Variants in MYO3B observed in about 807,000 individuals in gnomAD.
MYO3B encodes myosin IIIB, also known as myosin-IIIb.
MYO3B carries 156 observed loss-of-function variants against 174.6 expected under a neutral mutation model. The observed-to-expected ratio is 0.89, with a 90% CI of 0.78 to 1.02. The LOEUF (loss-of-function observed/expected upper bound fraction) is 1.02. Among genes scored for constraint, MYO3B ranks in the 50% least tolerant of loss-of-function variants. MYO3B has a pLI of 0.00. For synonymous variants in MYO3B, 563 were observed against 569.1 expected, an observed-to-expected ratio of 0.99 and a Z score of 0.15; for missense variants, 1,632 against 1,639.4, an observed-to-expected ratio of 1.00 and a Z score of 0.08.
chr2:170,296,002 A>G (rs1196377542), intron 7 of MYO3B, among the ~76,000 whole-genome samples: 4 of 152,216 alleles, frequency 2.6e-5, no homozygotes, highest in Non-Finnish European at 5.9e-5. Flanking sequence ...ACTGAAAATC[A>G]TATAACTTTC....
chr2:170,300,662 A>G (rs2093659875), intron 7 of MYO3B, among the ~76,000 whole-genome samples: 1 of 152,230 alleles, frequency 6.6e-6, no homozygotes, highest in Admixed American at 6.5e-5. Context: ...CAAGCATTAT[A>G]GGAAACAACA....
chr2:170,470,479 T>C (rs866055235), intron 25 of MYO3B, among the ~76,000 whole-genome samples: 7 of 152,230 alleles, frequency 4.6e-5, no homozygotes, highest in Non-Finnish European at 1.0e-4. Context: ...CATGAATATA[T>C]CATGTTTTGC....
chr2:170,511,056 CT>C (rs1687947109), intron 28 of MYO3B, among the ~76,000 whole-genome samples: 1 of 148,502 alleles, frequency 6.7e-6, no homozygotes, highest in Non-Finnish European at 1.5e-5. Context: ...GAGCATTTTC[CT>C]TTTGTTTTTT....
intron 27 of MYO3B, 72 bp downstream of exon 27, chr2:170,499,880 T>G: frequency 1.4e-6 from 2 of 1,453,704 alleles, no homozygotes; most frequent in Non-Finnish European, 1.9e-6. Flanking sequence ...AATACTCAAC[T>G]GTTTCTCTTC....
intron 32 of MYO3B, among the ~76,000 whole-genome samples, chr2:170,610,460 A>G (rs2106360672): frequency 6.6e-6 from 1 of 152,368 alleles, no homozygotes; most frequent in East Asian, 1.9e-4. Flanking sequence ...AAGCTCTGTT[A>G]ACAAAATTGA....
At chr2:170,366,475 G>C (rs2094199283) in intron 8 of MYO3B, among the ~76,000 whole-genome samples, 1 of 151,530 alleles carries the variant, frequency 6.6e-6, no homozygotes, top group South Asian at 2.1e-4. Flanking sequence ...ATTATTTTTA[G>C]TAGAGATGAG....
At chr2:170,384,952 G>T (rs561581747) in intron 12 of MYO3B, among the ~76,000 whole-genome samples, 2 of 152,218 alleles carry the variant, frequency 1.3e-5, no homozygotes, top group African/African-American at 4.8e-5. Context: ...CTGCCCAGCC[G>T]AATACCAGTC....
chr2:170,379,509 A>G (rs1173808670), intron 9 of MYO3B, among the ~76,000 whole-genome samples: 1 of 152,058 alleles, frequency 6.6e-6, no homozygotes. Flanking sequence ...TTGTTTTTTG[A>G]TTAACTTCAA....
At chr2:170,527,293 G>T (rs1689065310) in intron 30 of MYO3B, among the ~76,000 whole-genome samples, 1 of 152,180 alleles carries the variant, frequency 6.6e-6, no homozygotes, top group South Asian at 2.1e-4. Context: ...ACCAAGATAT[G>T]GGAGGTCTTC....
intron 17 of MYO3B, 151 bp from the exon 18 acceptor site, chr2:170,401,330 G>A (rs1265555144): frequency 1.2e-5 from 8 of 653,762 alleles, no homozygotes; most frequent in Non-Finnish European, 1.9e-5. Flanking sequence ...CAGTCTGGAA[G>A]CTTCTTGGGG....
intron 32 of MYO3B, among the ~76,000 whole-genome samples, chr2:170,599,093 T>A (rs1322541048): frequency 6.6e-6 from 1 of 152,204 alleles, no homozygotes; most frequent in Non-Finnish European, 1.5e-5. Flanking sequence ...TGTGTTTCTC[T>A]GTTCATTTTC....
At chr2:170,404,601 C>T (rs976714550) in intron 20 of MYO3B, among the ~76,000 whole-genome samples, 18 of 152,012 alleles carry the variant, frequency 1.2e-4, no homozygotes, top group African/African-American at 4.3e-4. Flanking sequence ...TTCCTAACAC[C>T]TTCCCACTTT....
chr2:170,589,575 T>G (rs959075613), intron 32 of MYO3B, among the ~76,000 whole-genome samples: 9 of 152,154 alleles, frequency 5.9e-5, no homozygotes, highest in Admixed American at 2.6e-4. Flanking sequence ...AAAAAAATTT[T>G]AAATAGAAAA....
intron 16 of MYO3B, among the ~76,000 whole-genome samples, chr2:170,397,843 AT>A (rs2094449993): frequency 6.6e-6 from 1 of 152,144 alleles, no homozygotes; most frequent in Non-Finnish European, 1.5e-5. Flanking sequence ...AGTCCCCACA[AT>A]TCCCTCCTCA....
intron 32 of MYO3B, among the ~76,000 whole-genome samples, chr2:170,551,349 A>ATTTATTTATTTATTTAT (rs1553520401): frequency 7.0e-6 from 1 of 142,320 alleles, no homozygotes; most frequent in Non-Finnish European, 1.5e-5. Flanking sequence ...ATTTAATTTA[A>ATTTATTTATTTATTTAT]TTATTTATTT....
intron 7 of MYO3B, among the ~76,000 whole-genome samples, chr2:170,264,652 G>A (rs1430710800): frequency 6.6e-6 from 1 of 152,192 alleles, no homozygotes; most frequent in African/African-American, 2.4e-5. Context: ...GGTGCTATGA[G>A]GGAAAGAGAT....
At chr2:170,423,792 G>A (rs567289312) in intron 22 of MYO3B, among the ~76,000 whole-genome samples, 1 of 152,046 alleles carries the variant, frequency 6.6e-6, no homozygotes, top group South Asian at 2.1e-4. Context: ...TGTTGGCGAG[G>A]ATGGTCTTGG....
At chr2:170,178,372 T>C in intron 1 of MYO3B, 83 bp downstream of exon 1, 2 of 1,580,956 alleles carry the variant, frequency 1.3e-6, no homozygotes, top group Non-Finnish European at 1.7e-6. Context: ...GCAGCTGCCC[T>C]GGCTGGTGGG....
At chr2:170,179,380 C>G (rs1165140960) in intron 1 of MYO3B, among the ~76,000 whole-genome samples, 1 of 152,142 alleles carries the variant, frequency 6.6e-6, no homozygotes, top group East Asian at 1.9e-4. Flanking sequence ...CCAGTTCCTA[C>G]TCTTACGTCT....
Sources: gnomAD v4.1 joint callset for allele counts (sites outside exome capture counted in the v4.1 genomes callset) on GRCh38, gnomAD v4.1.1 for gene constraint, MANE v1.5 for transcripts, NCBI Gene and HGNC (gene_info 2026-07-23, HGNC 2026-07-21) for gene names.